Variants in GSDME observed in about 807,000 individuals in gnomAD.
GSDME encodes gasdermin E.
GSDME carries 44 observed loss-of-function variants against 47.5 expected under a neutral mutation model. The ratio of observed to expected loss-of-function variants is 0.93; its 90% CI spans 0.73 to 1.19. GSDME has a LOEUF of 1.19. Ranked by LOEUF, GSDME falls within the 50% of genes most tolerant of loss-of-function variation. The pLI is 0.00. For missense variants in GSDME, 663 were observed against 604.2 expected, an observed-to-expected ratio of 1.10 and a Z score of -1.02; for synonymous variants, 258 against 252.8, an observed-to-expected ratio of 1.02 and a Z score of -0.20.
At chr7:24,755,988 G>C (rs1791004301) in intron 1 of GSDME, among the ~76,000 whole-genome samples, 1 of 152,208 alleles carries the variant, frequency 6.6e-6, no homozygotes, top group Non-Finnish European at 1.5e-5. Flanking sequence ...TATTAAATTA[G>C]AACAGAGGTG....
chr7:24,708,145 G>GAGT lies in GSDME; in HGVS notation c.969_971dup (p.Leu324dup). On this transcript the variant is annotated inframe_insertion, in exon 7 of 10. Coordinates refer to ENST00000645220, the MANE Select transcript of GSDME (RefSeq NM_001127453.2). The stretch of plus-strand genomic sequence containing the variant: ...GGCTCACCACTGGTTCCAGGACCAT[G>GAGT]AGTAGTTCATCATCAAATAGGACCG... The GAGT allele has an allele frequency of 6.2e-7, 1 of 1,614,162 alleles. No homozygotes were observed. Among genetic ancestry groups the GAGT allele is most frequent in the South Asian group, 1.1e-5 (1 of 91,082 alleles).
intron 6 of GSDME, among the ~76,000 whole-genome samples, chr7:24,709,362 A>ATTT (rs1789253274): frequency 6.6e-6 from 1 of 152,244 alleles, no homozygotes; most frequent in African/African-American, 2.4e-5. Context: ...TTCAAGTGGC[A>ATTT]GCTGAAAATT....
chr7:24,736,242 A>G lies in GSDME; in HGVS notation c.404+8320T>C, dbSNP rs368383462. Among the ~76,000 whole-genome samples, 31 of 152,178 alleles carry G rather than the reference A, an allele frequency of 2.0e-4. No individual in the cohort carries two copies. The highest frequency in any genetic ancestry group is 7.0e-4 in the African/African-American group (29 of 41,438). ...TACACTGGCTAAATGGATTAAAAAC[A>G]ACAAAAAAAGACCAAATGATCTGTT... is the stretch of plus-strand genomic sequence containing the variant. On this transcript the variant is annotated intron_variant, in intron 3 of 9. Coordinates refer to ENST00000645220, the MANE Select transcript of GSDME (RefSeq NM_001127453.2). This position sits in a 1 kb window ranked among gnomAD's most constrained non-coding sequence, Gnocchi z 4.6.
chr7:24,784,411 A>G, the GSDME span, among the ~76,000 whole-genome samples: 1 of 152,162 alleles, frequency 6.6e-6, no homozygotes, highest in South Asian at 2.1e-4. Context: ...CAAAGCCTCA[A>G]AAGTAGGGAA....
In GSDME at chr7:24,702,752, T is replaced by G. The variant is rs867219528; in HGVS notation, c.1257+8A>C. The G allele has an allele frequency of 2.5e-6, 4 of 1,612,066 alleles. No individual in the cohort carries two copies. The highest frequency in any genetic ancestry group is 2.2e-5 in the South Asian group (2 of 91,016). On this transcript the variant is annotated splice_region_variant and intron_variant, in intron 9 of 9. Transcript: ENST00000645220. ...CCATTCTAAGGTCCCACCTGGGAGGTTGCTTACCAAGTGGCACAGTGTGGG... is the reference window on the plus strand; with the variant it reads ...CCATTCTAAGGTCCCACCTGGGAGGGTGCTTACCAAGTGGCACAGTGTGGG...
chr7:24,718,925 G>C (rs1789669515), intron 4 of GSDME, 122 bp downstream of exon 4: 8 of 1,101,378 alleles, frequency 7.3e-6, no homozygotes, highest in Non-Finnish European at 1.1e-5. Flanking sequence ...AACGTGAGTT[G>C]GGTTTCTGTT....
At chr7:24,710,850 A>G (rs1002106541) in intron 5 of GSDME, among the ~76,000 whole-genome samples, 2 of 152,356 alleles carry the variant, frequency 1.3e-5, no homozygotes, top group Non-Finnish European at 2.9e-5. Context: ...TAATATATAG[A>G]ATAATATACA....
chr7:24,699,138 T>C lies in GSDME; in HGVS notation c.1379A>G (p.Glu460Gly), dbSNP rs1416583777. The change falls in exon 10 of 10, where the codon GAG (glutamate) becomes GGG (glycine). Residue 460 changes from glutamate (E) to glycine (G), a missense_variant. Glu to Gly is a moderately conservative substitution (Grantham distance 98). Coordinates refer to ENST00000645220, the MANE Select transcript of GSDME (RefSeq NM_001127453.2). ...RLFASADISL[E>G]RLKSSVKAVI... ...AGCTTTCACAGATGACTTCAGTCTC[T>C]CCAGACTAATGTCAGCTGAGGCAAA... 1.2e-6 allele frequency: 2 copies of C among 1,613,904 alleles called. No homozygotes were observed. The highest frequency in any genetic ancestry group is 2.2e-5 in the East Asian group (1 of 44,870).
chr7:24,787,780 C>A, the GSDME span, among the ~76,000 whole-genome samples: 1 of 152,068 alleles, frequency 6.6e-6, no homozygotes, highest in Non-Finnish European at 1.5e-5. This position sits in a 1 kb window ranked among gnomAD's most constrained non-coding sequence, Gnocchi z 5.0. Flanking sequence ...AATCTCGGCT[C>A]ACTGCAACCT....
the GSDME span, among the ~76,000 whole-genome samples, chr7:24,768,370 G>A: frequency 6.6e-6 from 1 of 152,160 alleles, no homozygotes; most frequent in Non-Finnish European, 1.5e-5. This position sits in a 1 kb window ranked among gnomAD's most constrained non-coding sequence, Gnocchi z 5.6. Context: ...GCCATGTAAG[G>A]TGTAGCGGAG....
the GSDME span, among the ~76,000 whole-genome samples, chr7:24,788,168 G>T: frequency 6.6e-6 from 1 of 152,140 alleles, no homozygotes; most frequent in Non-Finnish European, 1.5e-5. This position sits in a 1 kb window ranked among gnomAD's most constrained non-coding sequence, Gnocchi z 4.6. Flanking sequence ...GAATATAAAG[G>T]GCTTATTTTT....
At position 24,726,839 on chromosome 7, in the gene GSDME, A is replaced by C. The variant is rs1019305943; in HGVS notation, c.405-7621T>G. Among the ~76,000 whole-genome samples, 1 of 150,426 alleles carries C rather than the reference A, an allele frequency of 6.6e-6. No homozygotes were observed. The highest frequency in any genetic ancestry group is 1.5e-5 in the Non-Finnish European group (1 of 67,746). ...AAAAAAAAAACCAATGGCCTCGAGG[A>C]AGAGTTTCCAATGGAAACCCTGGGG... On this transcript the variant is annotated intron_variant, in intron 3 of 9. Coordinates refer to ENST00000645220, the MANE Select transcript of GSDME (RefSeq NM_001127453.2). The surrounding 1 kb of genome is among the most constrained non-coding windows in gnomAD (Gnocchi z 5.6).
chr7:24,763,320 T>C, the GSDME span, among the ~76,000 whole-genome samples: 1 of 151,972 alleles, frequency 6.6e-6, no homozygotes, highest in African/African-American at 2.4e-5. The surrounding 1 kb of genome is among the most constrained non-coding windows in gnomAD (Gnocchi z 4.3). Context: ...AACTTTCACT[T>C]TCTCACTTTA....
At position 24,754,619 on chromosome 7, in the gene GSDME, G is replaced by A. The variant is rs1790960172; in HGVS notation, c.-20+2777C>T. 6.6e-6 allele frequency among the ~76,000 whole-genome samples: 1 copy of A among 152,102 alleles called. No homozygotes were observed. Among genetic ancestry groups the A allele is most frequent in the African/African-American group, 2.4e-5 (1 of 41,424 alleles). ...GCTTGAGTCAGACTCTTGGACAAGAGACCTTGTGGGGCAGACACCAAGAAA... is the reference window on the plus strand; with the variant it reads ...GCTTGAGTCAGACTCTTGGACAAGAAACCTTGTGGGGCAGACACCAAGAAA... On this transcript the variant is annotated intron_variant, in intron 1 of 9. Coordinates refer to ENST00000645220, the MANE Select transcript of GSDME (RefSeq NM_001127453.2). The surrounding 1 kb of genome is among the most constrained non-coding windows in gnomAD (Gnocchi z 5.0).
At chr7:24,780,910 C>A in the GSDME span, among the ~76,000 whole-genome samples, 1 of 152,180 alleles carries the variant, frequency 6.6e-6, no homozygotes, top group Non-Finnish European at 1.5e-5. The surrounding 1 kb of genome is among the most constrained non-coding windows in gnomAD (Gnocchi z 4.1). Flanking sequence ...CCAGCCCCTA[C>A]CCTCAGAAGG....
chr7:24,710,113 G>A, intron 6 of GSDME, 111 bp downstream of exon 6: 2 of 1,224,490 alleles, frequency 1.6e-6, no homozygotes, highest in Non-Finnish European at 2.4e-6. Flanking sequence ...CTTCTCATAT[G>A]TTTTCTGTGA....
intron 7 of GSDME, among the ~76,000 whole-genome samples, chr7:24,706,977 A>G (rs1412075631): frequency 6.6e-6 from 1 of 152,192 alleles, no homozygotes; most frequent in Non-Finnish European, 1.5e-5. Flanking sequence ...CTCTCTCCAC[A>G]GGGTGCTGGC....
rs562252726 is a variant in GSDME at position 24,698,374 on chromosome 7, TAATAG to T, written c.*647_*651del. On this transcript the variant is annotated 3_prime_UTR_variant, in exon 10 of 10. Transcript: ENST00000645220. ...AATAGACATAGTTCAAAGTTTCCTT[TAATAG>T]AATACCCAGAATACATAGGAAATCA... The T allele has an allele frequency of 4.6e-5, 7 of 153,568 alleles. No homozygotes were observed. The East Asian group carries it at 1.3e-3, about 29-fold the overall frequency. The allele number at this position is 153,568 out of a possible 1,614,324, so 9.5% of individuals were successfully genotyped here.
the GSDME span, among the ~76,000 whole-genome samples, chr7:24,782,229 A>T: frequency 3.0e-5 from 2 of 67,624 alleles, no homozygotes; most frequent in Non-Finnish European, 5.7e-5. Context: ...CCCCCACCCC[A>T]CAACAGGCCC....
Sources: gnomAD v4.1 joint callset for allele counts (sites outside exome capture counted in the v4.1 genomes callset) on GRCh38, gnomAD v4.1.1 for gene constraint, Gnocchi (gnomAD v3.1) non-coding constraint, MANE v1.5 for transcripts, NCBI Gene and HGNC (gene_info 2026-07-23, HGNC 2026-07-21) for gene names.